ANK2: variants seen among roughly 807,000 people sequenced by gnomAD.
ANK2 encodes ankyrin-2.
In ANK2, 83 loss-of-function variants were observed where a neutral mutation model predicts 360.5. That is an observed-to-expected ratio of 0.23 (90% CI 0.19 to 0.28). The LOEUF is 0.28. Ranked by LOEUF, ANK2 falls within the 10% of genes least tolerant of loss-of-function variation. The probability of loss-of-function intolerance (pLI) is 1.00; values close to 1 mark genes in which losing one functional copy is unlikely to be tolerated. For synonymous variants in ANK2, 1,740 were observed against 1,759.5 expected (o/e 0.99, Z 0.28); for missense variants, 4,201 against 4,795.7 (o/e 0.88, Z 3.66).
the ANK2 span, among the ~76,000 whole-genome samples, chr4:112,762,707 A>C: frequency 6.6e-6 from 1 of 152,112 alleles, no homozygotes; most frequent in Non-Finnish European, 1.5e-5. Flanking sequence ...AGTGGGTTTC[A>C]CCACGTTGGC....
At chr4:113,147,362 T>G (rs1562407569) in intron 1 of ANK2, among the ~76,000 whole-genome samples, 1 of 152,190 alleles carries the variant, frequency 6.6e-6, no homozygotes, top group Admixed American at 6.5e-5. Flanking sequence ...CTTTCTGAAC[T>G]GAGGGGACAA....
chr4:112,760,243 G>T, the ANK2 span, among the ~76,000 whole-genome samples: 7 of 147,372 alleles, frequency 4.7e-5, no homozygotes, highest in Non-Finnish European at 1.0e-4. Context: ...CTGGAGTTCA[G>T]TGGCGCGATA....
At chr4:113,238,184 C>T (rs1426282125) in intron 7 of ANK2, among the ~76,000 whole-genome samples, 1 of 152,088 alleles carries the variant, frequency 6.6e-6, no homozygotes, top group Non-Finnish European at 1.5e-5. Flanking sequence ...CAAAGTAAGT[C>T]ACATCAATCA....
the ANK2 span, among the ~76,000 whole-genome samples, chr4:112,775,788 C>A: frequency 6.6e-6 from 1 of 152,128 alleles, no homozygotes; most frequent in Non-Finnish European, 1.5e-5. Context: ...TTGGTCAGAG[C>A]CAGGTATATA....
At chr4:112,838,621 A>G (rs1452218422) in intron 1 of ANK2, among the ~76,000 whole-genome samples, 3 of 152,212 alleles carry the variant, frequency 2.0e-5, no homozygotes, top group Non-Finnish European at 4.4e-5. Flanking sequence ...TAATCCCAGC[A>G]CTTTGGGAGG....
the ANK2 span, among the ~76,000 whole-genome samples, chr4:112,810,149 ATATATATATATTTTTTTTTT>A: frequency 0.054 from 1,643 of 30,328 alleles, 41 homozygotes; most frequent in Admixed American, 0.12. Flanking sequence ...ATATATATAT[ATATATATATATTTTTTTTTT>A]TTTTTTTTTT....
At chr4:112,756,141 G>A in the ANK2 span, among the ~76,000 whole-genome samples, 287 of 151,910 alleles carry the variant, frequency 1.9e-3, no homozygotes, top group Admixed American at 3.2e-3. Context: ...GGGGAGCTGA[G>A]GCAGGAGAAT....
At chr4:113,084,729 T>C (rs2083823584) in intron 1 of ANK2, among the ~76,000 whole-genome samples, 2 of 152,248 alleles carry the variant, frequency 1.3e-5, no homozygotes, top group African/African-American at 4.8e-5. Context: ...TGATTTTCTC[T>C]GAACATACGT....
chr4:112,756,182 G>A, the ANK2 span, among the ~76,000 whole-genome samples: 1 of 148,744 alleles, frequency 6.7e-6, no homozygotes, highest in African/African-American at 2.5e-5. Flanking sequence ...AGTTTGCAGT[G>A]AGCCGAGATC....
intron 4 of ANK2, among the ~76,000 whole-genome samples, chr4:113,225,817 C>T (rs1372105916): frequency 6.6e-6 from 1 of 152,016 alleles, no homozygotes; most frequent in African/African-American, 2.4e-5. Context: ...ATCCAATTAC[C>T]AAAAGGAATT....
chr4:113,219,296 C>G (rs962294461), intron 4 of ANK2, among the ~76,000 whole-genome samples: 1 of 152,010 alleles, frequency 6.6e-6, no homozygotes, highest in African/African-American at 2.4e-5. Context: ...AAAATTTCTT[C>G]TCTGACATTT....
chr4:113,299,566 G>A (rs1455908480), intron 22 of ANK2, among the ~76,000 whole-genome samples: 1 of 152,008 alleles, frequency 6.6e-6, no homozygotes, highest in Non-Finnish European at 1.5e-5. Context: ...TGAGCCAGGC[G>A]TGCTGGTGCA....
chr4:112,849,698 G>C (rs1029020791), intron 1 of ANK2, among the ~76,000 whole-genome samples: 1 of 152,138 alleles, frequency 6.6e-6, no homozygotes, highest in African/African-American at 2.4e-5. Flanking sequence ...TACCTTTCCA[G>C]CTTCATCTTT....
chr4:113,282,920 A>T (rs749554923), intron 18 of ANK2, 48 bp downstream of exon 18: 1 of 1,593,614 alleles, frequency 6.3e-7, no homozygotes, highest in African/African-American at 1.3e-5. Context: ...GGATGCATGT[A>T]AACAGGAACC....
chr4:113,019,314 A>G (rs2057451952), intron 2 of ANK2, among the ~76,000 whole-genome samples: 3 of 152,244 alleles, frequency 2.0e-5, no homozygotes, highest in Non-Finnish European at 4.4e-5. Flanking sequence ...AATTATAAGC[A>G]TAACTTTTTT....
intron 2 of ANK2, among the ~76,000 whole-genome samples, chr4:112,910,606 A>G (rs968189338): frequency 6.6e-5 from 10 of 152,154 alleles, no homozygotes; most frequent in Non-Finnish European, 1.3e-4. Context: ...CACCCAGCTT[A>G]TTTTTTTGGC....
chr4:112,843,667 T>A lies in ANK2; in HGVS notation c.-40+25403T>A, dbSNP rs186019897. ...CAAAATGAATGAATTTCCCAAAAAATGAAAATTTTTTTTCTTTTTCTCTCT... is the reference window on the plus strand; with the variant it reads ...CAAAATGAATGAATTTCCCAAAAAAAGAAAATTTTTTTTCTTTTTCTCTCT... On this transcript the variant is annotated intron_variant, in intron 1 of 30. Coordinates refer to the ANK2 transcript ENST00000503271. Among the ~76,000 whole-genome samples the A allele has an allele frequency of 6.9e-4, 105 of 152,276 alleles. 1 individual carries two copies. Among genetic ancestry groups the A allele is most frequent in the Non-Finnish European group, 2.4e-4 (16 of 68,010 alleles).
At chr4:112,719,683 G>A in the ANK2 span, among the ~76,000 whole-genome samples, 19 of 149,356 alleles carry the variant, frequency 1.3e-4, no homozygotes, top group East Asian at 7.9e-4. Context: ...AGCTGAGATC[G>A]CCGATTACAC....
chr4:113,060,700 T>C (rs1159150512), intron 1 of ANK2, among the ~76,000 whole-genome samples: 1 of 116,572 alleles, frequency 8.6e-6, no homozygotes, highest in African/African-American at 3.1e-5. Context: ...TTTTTTTTTT[T>C]TCCCAAATAC....
Sources: gnomAD v4.1 joint callset for allele counts (sites outside exome capture counted in the v4.1 genomes callset) on GRCh38, gnomAD v4.1.1 for gene constraint, MANE v1.5 for transcripts, NCBI Gene and HGNC (gene_info 2026-07-23, HGNC 2026-07-21) for gene names.